SEM1: variants seen among roughly 807,000 people sequenced by gnomAD.
The protein encoded by SEM1 is SEM1 26S proteasome subunit.
SEM1 carries 3 observed loss-of-function variants against 12.7 expected under a neutral mutation model. That is an observed-to-expected ratio of 0.24 (90% CI 0.11 to 0.61). SEM1 has a LOEUF of 0.61. Among genes scored for constraint, SEM1 ranks in the 20% least tolerant of loss-of-function variants. The pLI is 0.88. For missense variants in SEM1, 59 were observed against 81.3 expected, an observed-to-expected ratio of 0.73 and a Z score of 1.06; for synonymous variants, 30 against 27.8, an observed-to-expected ratio of 1.08 and a Z score of -0.25.
At chr7:96,490,212 T>C (rs1175214995) in intron 1 of SEM1, among the ~76,000 whole-genome samples, 1 of 152,202 alleles carries the variant, frequency 6.6e-6, no homozygotes, top group Non-Finnish European at 1.5e-5. Context: ...TCATTTGTCT[T>C]AAAAGCTTGT....
At chr7:96,575,834 A>G (rs1806187761) in intron 2 of SEM1, among the ~76,000 whole-genome samples, 1 of 152,226 alleles carries the variant, frequency 6.6e-6, no homozygotes, top group South Asian at 2.1e-4. Flanking sequence ...CATCTGACAA[A>G]TGGTTAATAT....
intron 2 of SEM1, among the ~76,000 whole-genome samples, chr7:96,545,154 A>G (rs996309976): frequency 2.0e-5 from 3 of 152,092 alleles, no homozygotes; most frequent in Non-Finnish European, 4.4e-5. Context: ...TCTTCCACTC[A>G]TGGTATTTGG....
intron 2 of SEM1, among the ~76,000 whole-genome samples, chr7:96,586,762 C>G (rs1305837258): frequency 6.6e-6 from 1 of 152,146 alleles, no homozygotes; most frequent in Admixed American, 6.5e-5. Context: ...TGATACCTCC[C>G]AAAAACTAAT....
At chr7:96,490,003 G>T (rs1463797036) in intron 1 of SEM1, among the ~76,000 whole-genome samples, 2 of 152,084 alleles carry the variant, frequency 1.3e-5, no homozygotes, top group Non-Finnish European at 2.9e-5. Flanking sequence ...CAGGGGCATT[G>T]TGAGGAGACA....
At chr7:96,674,528 G>A (rs909692933) in intron 2 of SEM1, among the ~76,000 whole-genome samples, 1 of 152,008 alleles carries the variant, frequency 6.6e-6, no homozygotes, top group Non-Finnish European at 1.5e-5. Context: ...GCTGAGCGTG[G>A]TGGTGCATGC....
Position 96,594,694 on chromosome 7 carries a change from A to C in SEM1, c.171-87996T>G, listed in dbSNP as rs191492999. ...TTGGTAAAATGTTTTGAAATGCTTT[A>C]ATAAAACAAGTGAGAATTTCTTTTC... On this transcript the variant is annotated intron_variant and NMD_transcript_variant, in intron 2 of 3. Transcript: ENST00000466986. Among the ~76,000 whole-genome samples, 4 of 152,336 alleles carry C rather than the reference A, an allele frequency of 2.6e-5. No homozygotes were observed. The East Asian group carries it at 7.7e-4, about 29-fold the overall frequency.
intron 2 of SEM1, among the ~76,000 whole-genome samples, chr7:96,665,565 A>C (rs970616961): frequency 6.6e-6 from 1 of 152,204 alleles, no homozygotes; most frequent in East Asian, 1.9e-4. Flanking sequence ...AGTTATTTTT[A>C]CTCAGGAATT....
At chr7:96,678,648 C>T (rs1789516099) in intron 2 of SEM1, among the ~76,000 whole-genome samples, 1 of 152,078 alleles carries the variant, frequency 6.6e-6, no homozygotes, top group African/African-American at 2.4e-5. Context: ...ATACTCACAC[C>T]CTTTCCCACA....
downstream of SEM1, among the ~76,000 whole-genome samples, chr7:96,685,891 G>A (rs948089829): frequency 2.6e-5 from 4 of 151,800 alleles, no homozygotes; most frequent in Admixed American, 1.3e-4. Context: ...CAGGAAAACT[G>A]TTAATAGGCT....
At chr7:96,634,516 T>C (rs1808367768) in intron 2 of SEM1, among the ~76,000 whole-genome samples, 1 of 150,914 alleles carries the variant, frequency 6.6e-6, no homozygotes, top group Admixed American at 6.6e-5. Flanking sequence ...CTGTTTCTCT[T>C]TGTATTCTGA....
intron 2 of SEM1, among the ~76,000 whole-genome samples, chr7:96,676,519 T>C (rs959821119): frequency 6.6e-6 from 1 of 152,338 alleles, no homozygotes; most frequent in African/African-American, 2.4e-5. Context: ...GCTACAGTTT[T>C]TAATAGTTAA....
chr7:96,708,736 G>A (rs988168174), intron 1 of SEM1, among the ~76,000 whole-genome samples: 9 of 152,168 alleles, frequency 5.9e-5, no homozygotes, highest in Admixed American at 5.2e-4. Flanking sequence ...AACTAGTTAT[G>A]AGACATCAGA....
chr7:96,613,677 C>T (rs576311624), intron 2 of SEM1, among the ~76,000 whole-genome samples: 4 of 152,284 alleles, frequency 2.6e-5, no homozygotes, highest in South Asian at 4.1e-4. Flanking sequence ...ACCATTTAGC[C>T]AATGTCTCTC....
chr7:96,568,903 A>G lies in SEM1; in HGVS notation c.171-62205T>C, dbSNP rs184799542. ...TATTCTGATCAGAATTTTTAGCAAG[A>G]TGTTAAACTTTTGTTTCTTGAAACT... On this transcript the variant is annotated intron_variant and NMD_transcript_variant, in intron 2 of 3. Transcript: ENST00000466986. Among the ~76,000 whole-genome samples, 803 of 152,046 alleles carry G rather than the reference A, an allele frequency of 5.3e-3. 11 individuals carry two copies. Among genetic ancestry groups the G allele is most frequent in the African/African-American group, 0.018 (767 of 41,528 alleles).
intron 2 of SEM1, among the ~76,000 whole-genome samples, chr7:96,510,979 A>C (rs772836473): frequency 6.6e-6 from 1 of 152,096 alleles, no homozygotes; most frequent in Non-Finnish European, 1.5e-5. Context: ...TGCCTCTTCT[A>C]GAGGGCCTGG....
intron 2 of SEM1, among the ~76,000 whole-genome samples, chr7:96,599,575 T>G (rs1207092569): frequency 6.6e-6 from 1 of 152,198 alleles, no homozygotes; most frequent in Non-Finnish European, 1.5e-5. Flanking sequence ...CTCATCTTTA[T>G]AAGTATTGTA....
At chr7:96,639,249 AT>A in intron 2 of SEM1, among the ~76,000 whole-genome samples, 1 of 152,124 alleles carries the variant, frequency 6.6e-6, no homozygotes, top group African/African-American at 2.4e-5. Context: ...GGGAAGTTTC[AT>A]TTTATTCCCT....
At chr7:96,547,733 T>C (rs1805146005) in intron 2 of SEM1, among the ~76,000 whole-genome samples, 1 of 152,096 alleles carries the variant, frequency 6.6e-6, no homozygotes, top group African/African-American at 2.4e-5. Flanking sequence ...GTGGTTCTGC[T>C]GATGTGATGA....
intron 2 of SEM1, among the ~76,000 whole-genome samples, chr7:96,609,645 G>T (rs879517072): frequency 2.0e-5 from 3 of 152,134 alleles, no homozygotes; most frequent in Non-Finnish European, 4.4e-5. Context: ...ACCAAAAATG[G>T]TAAGGGGAAT....
Sources: gnomAD v4.1 joint callset for allele counts (sites outside exome capture counted in the v4.1 genomes callset) on GRCh38, gnomAD v4.1.1 for gene constraint, MANE v1.5 for transcripts, NCBI Gene and HGNC (gene_info 2026-07-23, HGNC 2026-07-21) for gene names.